PDE4B: variants seen among roughly 807,000 people sequenced by gnomAD.
The protein encoded by PDE4B is phosphodiesterase 4B.
In PDE4B, 20 loss-of-function variants were observed where a neutral mutation model predicts 82.2. The observed-to-expected ratio is 0.24, with a 90% CI of 0.17 to 0.35. The LOEUF is 0.35. PDE4B is among the 10% of genes least tolerant of loss of function. The probability of loss-of-function intolerance (pLI) is 1.00; values close to 1 mark genes in which losing one functional copy is unlikely to be tolerated. For synonymous variants in PDE4B, 320 were observed against 318.9 expected, an observed-to-expected ratio of 1.00 and a Z score of -0.04; for missense variants, 655 against 907.2, an observed-to-expected ratio of 0.72 and a Z score of 3.57.
Position 66,374,060 on chromosome 1 carries a change from T to G in PDE4B, c.*1382T>G, listed in dbSNP as rs1305499777. The G allele has an allele frequency of 6.6e-6, 1 of 152,568 alleles. No individual in the cohort carries two copies. Among genetic ancestry groups the G allele is most frequent in the East Asian group, 1.9e-4 (1 of 5,188 alleles). 9.5% of individuals were successfully genotyped at this position (152,568 alleles called of 1,614,324 possible). On this transcript the variant is annotated 3_prime_UTR_variant, in exon 17 of 17. Coordinates refer to ENST00000341517, the MANE Select transcript of PDE4B (RefSeq NM_002600.4). ...CTATCCAAATCTATGTGGGCATGAG[T>G]TGGGTTATAACTGGATCCTACTATC...
rs144395372 is a variant in PDE4B, at chr1:66,296,311, T to C, written c.634+30224T>C. On this transcript the variant is annotated intron_variant, in intron 7 of 16. Coordinates refer to ENST00000341517, the MANE Select transcript of PDE4B (RefSeq NM_002600.4). Reference sequence around the variant, plus strand: ...GACCTACATACTGGTAGGCACGTGATAGGGAGTGGGCTGACTTCTTGGTAA... The same window carrying C: ...GACCTACATACTGGTAGGCACGTGACAGGGAGTGGGCTGACTTCTTGGTAA... Among the ~76,000 whole-genome samples the C allele has an allele frequency of 4.1e-3, 618 of 152,246 alleles. 2 individuals are homozygous for C. Among genetic ancestry groups the C allele is most frequent in the African/African-American group, 0.014 (595 of 41,562 alleles).
At chr1:66,231,546 T>G (rs1219565395) in intron 3 of PDE4B, among the ~76,000 whole-genome samples, 2 of 152,224 alleles carry the variant, frequency 1.3e-5, no homozygotes, top group African/African-American at 4.8e-5. Flanking sequence ...TCAAATGACT[T>G]GTTTTACTGT....
chr1:65,956,336 A>G (rs1287214368), intron 3 of PDE4B, among the ~76,000 whole-genome samples: 1 of 152,104 alleles, frequency 6.6e-6, no homozygotes, highest in East Asian at 1.9e-4. Flanking sequence ...TGGTTTAGCT[A>G]ACAGTTTGAT....
At chr1:65,965,728 T>C (rs1649783285) in intron 3 of PDE4B, among the ~76,000 whole-genome samples, 1 of 152,084 alleles carries the variant, frequency 6.6e-6, no homozygotes, top group South Asian at 2.1e-4. Flanking sequence ...TAGCGTATTA[T>C]TGGCACTCAA....
intron 7 of PDE4B, among the ~76,000 whole-genome samples, chr1:66,328,460 C>G (rs983055098): frequency 1.3e-5 from 2 of 152,212 alleles, no homozygotes; most frequent in Non-Finnish European, 2.9e-5. Flanking sequence ...GGGCATGTAA[C>G]CTGTTGGGTT....
At chr1:65,955,242 C>T (rs542196716) in intron 3 of PDE4B, among the ~76,000 whole-genome samples, 1 of 152,062 alleles carries the variant, frequency 6.6e-6, no homozygotes, top group African/African-American at 2.4e-5. Context: ...AGCACAGTCC[C>T]GTAAACCTTC....
At chr1:66,351,975 AC>A (rs1365831999) in intron 8 of PDE4B, among the ~76,000 whole-genome samples, 1 of 150,660 alleles carries the variant, frequency 6.6e-6, no homozygotes, top group Non-Finnish European at 1.5e-5. Context: ...ATACCCTTCC[AC>A]CCCCCGCCGT....
In PDE4B at chr1:66,056,567, T is replaced by C. The variant is rs146253158; in HGVS notation, c.281+137732T>C. ...TCTATCTATCTATCTATATCCTTAC[T>C]TGGGAAGAAACTTTGTGGATGTGAT... On this transcript the variant is annotated intron_variant, in intron 3 of 16. Coordinates refer to ENST00000341517, the MANE Select transcript of PDE4B (RefSeq NM_002600.4). 2.8e-3 allele frequency among the ~76,000 whole-genome samples: 429 copies of C among 151,932 alleles called. 1 individual carries two copies. The highest frequency in any genetic ancestry group is 0.01 in the Middle Eastern group (3 of 294).
intron 3 of PDE4B, among the ~76,000 whole-genome samples, chr1:66,074,181 C>A (rs570564793): frequency 6.6e-6 from 1 of 152,160 alleles, no homozygotes; most frequent in South Asian, 2.1e-4. Context: ...GACTGGAAGA[C>A]CTTTGGTTTA....
intron 3 of PDE4B, among the ~76,000 whole-genome samples, chr1:66,026,355 CA>C (rs1359507829): frequency 6.6e-6 from 1 of 152,154 alleles, no homozygotes; most frequent in African/African-American, 2.4e-5. Context: ...GTCTAGCTAA[CA>C]TTGTGCCTCA....
intron 3 of PDE4B, among the ~76,000 whole-genome samples, chr1:66,161,054 A>AT (rs11345376): frequency 8.6e-5 from 13 of 151,418 alleles, no homozygotes; most frequent in African/African-American, 1.5e-4. Context: ...GATGAAAGGC[A>AT]TTTTTTTTTT....
chr1:65,836,154 C>A (rs1388336810), intron 1 of PDE4B, among the ~76,000 whole-genome samples: 5 of 152,078 alleles, frequency 3.3e-5, no homozygotes, highest in Admixed American at 6.6e-5. Context: ...GTTGGCCAGG[C>A]TGGTCTCGAA....
In PDE4B at chr1:65,859,222, T is replaced by A. The variant is rs543414819; in HGVS notation, c.-70-54023T>A. ...ATTTCATTATATAAAATAATTGATA[T>A]AAGATATTCTAGATTATCTAGATGC... is the stretch of plus-strand genomic sequence containing the variant. On this transcript the variant is annotated intron_variant, in intron 1 of 16. Coordinates refer to ENST00000341517, the MANE Select transcript of PDE4B (RefSeq NM_002600.4). Among the ~76,000 whole-genome samples, 48 of 152,202 alleles carry A rather than the reference T, an allele frequency of 3.2e-4. 3 individuals are homozygous for A. Among genetic ancestry groups the A allele is most frequent in the African/African-American group, 1.1e-3 (45 of 41,552 alleles).
chr1:66,368,539 A>G (rs575437920), intron 15 of PDE4B, among the ~76,000 whole-genome samples: 1 of 152,300 alleles, frequency 6.6e-6, no homozygotes, highest in African/African-American at 2.4e-5. Flanking sequence ...GTTCCTTCCA[A>G]TTTTTAAATT....
chr1:66,306,544 G>A (rs1256321327), intron 7 of PDE4B, among the ~76,000 whole-genome samples: 2 of 152,140 alleles, frequency 1.3e-5, no homozygotes, highest in African/African-American at 4.8e-5. Context: ...ATAAAGCTGA[G>A]ATTTTAAATC....
At chr1:66,370,252 A>T (rs984551245) in intron 16 of PDE4B, among the ~76,000 whole-genome samples, 23 of 152,050 alleles carry the variant, frequency 1.5e-4, no homozygotes, top group Admixed American at 1.4e-3. Flanking sequence ...AATGAGGGTT[A>T]ATTCGAATAG....
At chr1:66,202,783 G>T (rs1450708633) in intron 3 of PDE4B, among the ~76,000 whole-genome samples, 2 of 151,994 alleles carry the variant, frequency 1.3e-5, no homozygotes, top group Non-Finnish European at 2.9e-5. Context: ...CACACTGATG[G>T]GTCTTGACTC....
At chr1:66,056,025 AT>A (rs1655274602) in intron 3 of PDE4B, among the ~76,000 whole-genome samples, 1 of 152,164 alleles carries the variant, frequency 6.6e-6, no homozygotes, top group Non-Finnish European at 1.5e-5. Context: ...TATTTTTCCC[AT>A]AATTGATTTA....
chr1:65,982,813 T>G (rs1650755503), intron 3 of PDE4B, among the ~76,000 whole-genome samples: 1 of 152,142 alleles, frequency 6.6e-6, no homozygotes, highest in South Asian at 2.1e-4. Context: ...ATGCAGATAG[T>G]TTTTAAGAAA....
Sources: allele counts gnomAD v4.1 joint callset (sites outside exome capture counted in the v4.1 genomes callset), GRCh38; gene constraint gnomAD v4.1.1; transcripts MANE v1.5; gene names NCBI Gene and HGNC (gene_info 2026-07-23, HGNC 2026-07-21).